Variants in FYN observed in about 807,000 individuals in gnomAD.
FYN encodes the protein tyrosine-protein kinase Fyn.
In FYN, 10 loss-of-function variants were observed where a neutral mutation model predicts 70.2. That is an observed-to-expected ratio of 0.14 (90% CI 0.09 to 0.24). FYN has a LOEUF of 0.24. Among genes scored for constraint, FYN ranks in the 10% least tolerant of loss-of-function variants. The pLI is 1.00. For missense variants in FYN, 319 were observed against 673.1 expected (o/e 0.47, Z 5.82); for synonymous variants, 236 against 248.6 (o/e 0.95, Z 0.48).
chr6:111,833,375 C>G (rs1326706141), intron 2 of FYN, among the ~76,000 whole-genome samples: 4 of 152,206 alleles, frequency 2.6e-5, no homozygotes, highest in Non-Finnish European at 4.4e-5. Flanking sequence ...CTGTGTGCCT[C>G]TGCGTAGATA....
chr6:111,840,706 T>C (rs927089860), intron 2 of FYN, among the ~76,000 whole-genome samples: 2 of 152,220 alleles, frequency 1.3e-5, no homozygotes, highest in African/African-American at 4.8e-5. Flanking sequence ...TTATGGCCTA[T>C]ACAACACCAC....
intron 2 of FYN, among the ~76,000 whole-genome samples, chr6:111,844,105 T>C (rs1773447988): frequency 6.6e-6 from 1 of 152,180 alleles, no homozygotes; most frequent in South Asian, 2.1e-4. Context: ...CTCTCATAGC[T>C]CCCTCACAGG....
At chr6:111,833,113 A>G (rs980453510) in intron 2 of FYN, among the ~76,000 whole-genome samples, 3 of 152,240 alleles carry the variant, frequency 2.0e-5, no homozygotes, top group African/African-American at 7.2e-5. Context: ...TAGAACTTAC[A>G]AATGAAGCCA....
chr6:111,692,108 C>CCG (rs1554275092), intron 12 of FYN, among the ~76,000 whole-genome samples: 1 of 149,504 alleles, frequency 6.7e-6, no homozygotes, highest in Admixed American at 6.7e-5. Context: ...ATTTCCCCCC[C>CCG]CCCCAGTTCA....
chr6:111,773,626 A>AG (rs1803584927), intron 3 of FYN, among the ~76,000 whole-genome samples: 16 of 14,928 alleles, frequency 1.1e-3, no homozygotes, highest in South Asian at 4.0e-3. Flanking sequence ...GAGAGGGGGA[A>AG]AGGAGAGGGG....
chr6:111,679,381 C>T (rs1798687923), intron 12 of FYN, among the ~76,000 whole-genome samples: 2 of 152,134 alleles, frequency 1.3e-5, no homozygotes, highest in South Asian at 4.2e-4. Flanking sequence ...TATTAAAGGG[C>T]AATGAATGCA....
chr6:111,746,261 T>C (rs1486396422), intron 3 of FYN, among the ~76,000 whole-genome samples: 1 of 152,216 alleles, frequency 6.6e-6, no homozygotes, highest in Non-Finnish European at 1.5e-5. Context: ...TATACCTGTA[T>C]AATCTAAACC....
chr6:111,817,480 G>C (rs1772525713), intron 2 of FYN, among the ~76,000 whole-genome samples: 1 of 152,108 alleles, frequency 6.6e-6, no homozygotes, highest in African/African-American at 2.4e-5. Flanking sequence ...TTTTAAAGCA[G>C]GTGCAATAAA....
At chr6:111,750,880 T>C (rs1802455864) in intron 3 of FYN, among the ~76,000 whole-genome samples, 1 of 152,176 alleles carries the variant, frequency 6.6e-6, no homozygotes. Context: ...AAGGACACAA[T>C]GGCCACCTTC....
chr6:111,828,713 A>T (rs1583476163), intron 2 of FYN, among the ~76,000 whole-genome samples: 1 of 152,242 alleles, frequency 6.6e-6, no homozygotes, highest in East Asian at 1.9e-4. Context: ...GAATTTATAC[A>T]GACAAAAAGT....
intron 3 of FYN, among the ~76,000 whole-genome samples, chr6:111,746,661 CA>C (rs1461637027): frequency 6.6e-6 from 1 of 151,792 alleles, no homozygotes; most frequent in Admixed American, 6.6e-5. Flanking sequence ...CATGGCAAAG[CA>C]AAAAAGAAAA....
chr6:111,714,276 G>A, intron 5 of FYN, 71 bp downstream of exon 5: 1 of 923,264 alleles, frequency 1.1e-6, no homozygotes. Context: ...CTGAAGAGAT[G>A]CAGACCAGAA....
chr6:111,730,689 C>T (rs1384226619), intron 3 of FYN, among the ~76,000 whole-genome samples: 3 of 152,096 alleles, frequency 2.0e-5, no homozygotes, highest in Non-Finnish European at 4.4e-5. Flanking sequence ...TGGGGCAATC[C>T]AAGCAGGGCA....
At chr6:111,701,017 C>T (rs572866929) in intron 8 of FYN, among the ~76,000 whole-genome samples, 2 of 148,494 alleles carry the variant, frequency 1.3e-5, no homozygotes, top group Non-Finnish European at 3.0e-5. Flanking sequence ...CAGTCTTCGA[C>T]GTATAATTTA....
intron 3 of FYN, 60 bp from the exon 4 acceptor site, chr6:111,720,122 C>T: frequency 6.6e-7 from 1 of 1,522,272 alleles, no homozygotes; most frequent in Non-Finnish European, 8.8e-7. Flanking sequence ...CTGGGTTGCT[C>T]TACAGTAAAC....
At chr6:111,760,394 A>G (rs1302707104) in intron 3 of FYN, among the ~76,000 whole-genome samples, 1 of 152,180 alleles carries the variant, frequency 6.6e-6, no homozygotes. Context: ...AGCTGTAGAG[A>G]AAAAGATAGG....
intron 1 of FYN, among the ~76,000 whole-genome samples, chr6:111,871,945 CAG>C (rs1400015353): frequency 1.3e-5 from 2 of 152,186 alleles, no homozygotes; most frequent in African/African-American, 4.8e-5. Flanking sequence ...AGGAAAGACT[CAG>C]AGAGATCAAC....
chr6:111,702,880 G>A lies in FYN; in HGVS notation c.697+5C>T. 6.2e-7 allele frequency: 1 copy of A among 1,613,462 alleles called. No homozygotes were observed. The highest frequency in any genetic ancestry group is 1.3e-5 in the African/African-American group (1 of 75,014). Reference sequence around the variant, plus strand: ...TGGTTAGTAGGTAGTTAGAATTAAGGTTACCTGAGTAATGTTGTACAAGCT... The same window carrying A: ...TGGTTAGTAGGTAGTTAGAATTAAGATTACCTGAGTAATGTTGTACAAGCT... On this transcript the variant is annotated splice_donor_5th_base_variant and intron_variant, in intron 8 of 13. Coordinates refer to ENST00000354650, the MANE Select transcript of FYN (RefSeq NM_002037.5).
intron 2 of FYN, among the ~76,000 whole-genome samples, chr6:111,812,892 T>C (rs1772371792): frequency 6.6e-6 from 1 of 152,136 alleles, no homozygotes; most frequent in South Asian, 2.1e-4. Flanking sequence ...ACATACTAAA[T>C]ATTTTTATGG....
Sources: gnomAD v4.1 joint callset for allele counts (sites outside exome capture counted in the v4.1 genomes callset) on GRCh38, gnomAD v4.1.1 for gene constraint, MANE v1.5 for transcripts, NCBI Gene and HGNC (gene_info 2026-07-23, HGNC 2026-07-21) for gene names.